Variants in LINGO2 observed in about 807,000 individuals in gnomAD.
The protein encoded by LINGO2 is leucine-rich repeat and immunoglobulin-like domain-containing nogo receptor-interacting protein 2.
In LINGO2, 14 loss-of-function variants were observed where a neutral mutation model predicts 30.6. The ratio of observed to expected loss-of-function variants is 0.46; its 90% CI spans 0.30 to 0.72. The LOEUF (loss-of-function observed/expected upper bound fraction) is 0.72. Ranked by LOEUF, LINGO2 falls within the 30% of genes least tolerant of loss-of-function variation. The pLI is 0.07. For synonymous variants in LINGO2, 317 were observed against 288.5 expected (o/e 1.10, Z -1.00); for missense variants, 729 against 751.7 (o/e 0.97, Z 0.35).
the LINGO2 span, among the ~76,000 whole-genome samples, chr9:28,885,643 G>C: frequency 6.6e-6 from 1 of 151,980 alleles, no homozygotes; most frequent in African/African-American, 2.4e-5. Context: ...AGTTGCACTA[G>C]GAAAGATTTT....
At chr9:28,411,662 C>T (rs1240754691) in intron 2 of LINGO2, among the ~76,000 whole-genome samples, 1 of 152,082 alleles carries the variant, frequency 6.6e-6, no homozygotes, top group African/African-American at 2.4e-5. Flanking sequence ...CTTATCCATT[C>T]ATCTGTTGGT....
At chr9:28,849,063 A>G in the LINGO2 span, among the ~76,000 whole-genome samples, 1 of 152,072 alleles carries the variant, frequency 6.6e-6, no homozygotes, top group Admixed American at 6.6e-5. Flanking sequence ...GATGGAAAAC[A>G]TATTTAGGGA....
At chr9:28,180,778 C>A (rs2133709272) in intron 4 of LINGO2, among the ~76,000 whole-genome samples, 1 of 152,088 alleles carries the variant, frequency 6.6e-6, no homozygotes, top group South Asian at 2.1e-4. Context: ...AGTAAGAGAA[C>A]CCCAAGAAAG....
At chr9:29,077,804 G>C in the LINGO2 span, among the ~76,000 whole-genome samples, 1 of 151,468 alleles carries the variant, frequency 6.6e-6, no homozygotes, top group Non-Finnish European at 1.5e-5. Context: ...ACCAATCACA[G>C]GCACACAGAA....
the LINGO2 span, among the ~76,000 whole-genome samples, chr9:29,189,134 C>T: frequency 4.6e-5 from 6 of 129,978 alleles, no homozygotes; most frequent in African/African-American, 1.7e-4. Context: ...GGCGGCTGGC[C>T]GGGCGGGGGG....
At chr9:28,952,441 T>C in the LINGO2 span, among the ~76,000 whole-genome samples, 1 of 152,160 alleles carries the variant, frequency 6.6e-6, no homozygotes, top group Non-Finnish European at 1.5e-5. Context: ...ATACATACTC[T>C]CTTTGCAATG....
intron 4 of LINGO2, among the ~76,000 whole-genome samples, chr9:28,282,896 T>G (rs1000329349): frequency 1.3e-5 from 2 of 152,228 alleles, no homozygotes; most frequent in Non-Finnish European, 2.9e-5. Flanking sequence ...ATTTGTACTG[T>G]AAGTCCCAGT....
At chr9:29,031,457 A>C in the LINGO2 span, among the ~76,000 whole-genome samples, 1 of 151,826 alleles carries the variant, frequency 6.6e-6, no homozygotes, top group African/African-American at 2.4e-5. Flanking sequence ...TAATTTCTGT[A>C]TTTTTAGTAG....
At chr9:28,110,627 C>T (rs72724982) in intron 4 of LINGO2, among the ~76,000 whole-genome samples, 6,982 of 152,144 alleles carry the variant, frequency 0.046, 226 homozygotes, top group Middle Eastern at 0.14. Flanking sequence ...AGCCAACTAA[C>T]GTATGAAAAA....
chr9:28,972,572 G>A, the LINGO2 span, among the ~76,000 whole-genome samples: 2 of 152,106 alleles, frequency 1.3e-5, no homozygotes, highest in Non-Finnish European at 1.5e-5. Context: ...CAGAAAAAAA[G>A]AATTAGTGAG....
the LINGO2 span, among the ~76,000 whole-genome samples, chr9:28,703,563 A>G: frequency 6.6e-6 from 1 of 151,796 alleles, no homozygotes; most frequent in Non-Finnish European, 1.5e-5. Flanking sequence ...AAAAACGTGT[A>G]TTTCCTTGTT....
chr9:28,796,786 C>T, the LINGO2 span, among the ~76,000 whole-genome samples: 1 of 151,812 alleles, frequency 6.6e-6, no homozygotes, highest in Non-Finnish European at 1.5e-5. Flanking sequence ...AGTATTAACT[C>T]CAAATTGCTG....
At chr9:28,274,188 T>C (rs578054621) in intron 4 of LINGO2, among the ~76,000 whole-genome samples, 3 of 152,304 alleles carry the variant, frequency 2.0e-5, no homozygotes, top group East Asian at 1.9e-4. Flanking sequence ...TCTAACCATA[T>C]CAAAATAATG....
At chr9:28,331,803 T>A (rs1160189211) in intron 3 of LINGO2, among the ~76,000 whole-genome samples, 2 of 151,840 alleles carry the variant, frequency 1.3e-5, no homozygotes, top group East Asian at 3.9e-4. Context: ...ACCATTCCCA[T>A]CCTGATATAC....
chr9:28,170,891 A>G (rs1292526022), intron 4 of LINGO2, among the ~76,000 whole-genome samples: 1 of 152,212 alleles, frequency 6.6e-6, no homozygotes, highest in Non-Finnish European at 1.5e-5. Flanking sequence ...CCTTATCTTA[A>G]TGACATCTGC....
chr9:29,100,956 G>A, the LINGO2 span, among the ~76,000 whole-genome samples: 22 of 152,272 alleles, frequency 1.4e-4, 1 homozygote, highest in African/African-American at 4.6e-4. Context: ...GAGGGCAAAG[G>A]TGTCATGTAC....
chr9:27,986,845 G>A (rs773758556), intron 5 of LINGO2, among the ~76,000 whole-genome samples: 1 of 151,918 alleles, frequency 6.6e-6, no homozygotes, highest in Non-Finnish European at 1.5e-5. Context: ...ACAGAAAGGA[G>A]AAAGTACATG....
the LINGO2 span, among the ~76,000 whole-genome samples, chr9:29,114,342 C>T: frequency 1.3e-5 from 2 of 150,788 alleles, no homozygotes; most frequent in African/African-American, 2.4e-5. Context: ...AAGTCCACCC[C>T]TAAGCCTGAT....
intron 2 of LINGO2, among the ~76,000 whole-genome samples, chr9:28,452,226 G>C (rs1347597435): frequency 3.3e-5 from 5 of 151,628 alleles, no homozygotes; most frequent in Non-Finnish European, 7.4e-5. Context: ...AAGCAAAAGA[G>C]TAGCAAATTT....
Sources: allele counts gnomAD v4.1 joint callset (sites outside exome capture counted in the v4.1 genomes callset), GRCh38; gene constraint gnomAD v4.1.1; transcripts MANE v1.5; gene names NCBI Gene and HGNC (gene_info 2026-07-23, HGNC 2026-07-21).